The following KCNN3 variants were observed in gnomAD, a reference collection of about 807,000 sequenced individuals.
KCNN3 encodes the protein potassium calcium-activated channel subfamily N member 3.
Under a neutral mutation model 62.9 loss-of-function variants are expected in KCNN3, and 16 were observed. The ratio of observed to expected loss-of-function variants is 0.25; its 90% CI spans 0.17 to 0.39. KCNN3 has a LOEUF of 0.39. Among genes scored for constraint, KCNN3 ranks in the 10% least tolerant of loss-of-function variants. KCNN3 has a pLI of 1.00. For synonymous variants in KCNN3, 370 were observed against 389.2 expected, an observed-to-expected ratio of 0.95 and a Z score of 0.58; for missense variants, 599 against 949.4, an observed-to-expected ratio of 0.63 and a Z score of 4.85.
At chr1:154,748,177 T>C (rs1384721921) in intron 3 of KCNN3, among the ~76,000 whole-genome samples, 1 of 152,186 alleles carries the variant, frequency 6.6e-6, no homozygotes, top group East Asian at 1.9e-4. Flanking sequence ...CTCCCTGCTG[T>C]GGGCCTCTGC....
At position 154,701,273 on chromosome 1, in the gene KCNN3, G is replaced by A. The variant is rs1699846416; in HGVS notation, c.*6703C>T. The A allele has an allele frequency of 6.6e-6, 1 of 152,154 alleles. No individual in the cohort carries two copies. The highest frequency in any genetic ancestry group is 2.4e-5 in the African/African-American group (1 of 41,416). The allele number at this position is 152,154 out of a possible 1,614,324, so 9.4% of individuals were successfully genotyped here. A position where few individuals can be genotyped will look rare whatever the true frequency, so the allele number is the denominator to read the frequency against. On this transcript the variant is annotated 3_prime_UTR_variant, in exon 8 of 8. Transcript: ENST00000271915. ...CTGTAAATCTATGTGAATTTTCAGGGCTTGGGAAGGGAAGAGACACATAGG... is the reference window on the plus strand; with the variant it reads ...CTGTAAATCTATGTGAATTTTCAGGACTTGGGAAGGGAAGAGACACATAGG...
chr1:154,810,112 C>A (rs896557381), intron 2 of KCNN3, among the ~76,000 whole-genome samples: 2 of 152,040 alleles, frequency 1.3e-5, no homozygotes, highest in Non-Finnish European at 2.9e-5. Flanking sequence ...GTCCTGGGTC[C>A]AGCTTAGGGG....
intron 1 of KCNN3, chr1:154,868,235 C>G: frequency 1.0e-6 from 1 of 985,544 alleles, no homozygotes; most frequent in Non-Finnish European, 1.2e-6. Flanking sequence ...CAAGGCGGCG[C>G]CCAGCTGCTC....
intron 2 of KCNN3, among the ~76,000 whole-genome samples, chr1:154,780,870 G>A (rs1311562742): frequency 1.3e-5 from 2 of 152,144 alleles, no homozygotes; most frequent in Non-Finnish European, 2.9e-5. Flanking sequence ...GAAAAATGGT[G>A]GCTCTAAAAG....
Position 154,707,677 on chromosome 1 carries a change from T to C in KCNN3, c.*299A>G, listed in dbSNP as rs1699991127. The C allele has an allele frequency of 6.1e-6, 2 of 325,272 alleles. No individual in the cohort carries two copies. The highest frequency in any genetic ancestry group is 1.1e-5 in the Non-Finnish European group (2 of 176,126). 20.1% of individuals were successfully genotyped at this position (325,272 alleles called of 1,614,324 possible). On this transcript the variant is annotated 3_prime_UTR_variant, in exon 8 of 8. Coordinates refer to ENST00000271915, the MANE Select transcript of KCNN3 (RefSeq NM_002249.6). ...GACCCCCACCCCCCGCGTGAAGACC[T>C]GAGATTGAGCGTGGATTTCTGTTCT... is the stretch of plus-strand genomic sequence containing the variant.
At chr1:154,732,971 AG>A in intron 4 of KCNN3, 31 bp downstream of exon 4, 2 of 1,613,358 alleles carry the variant, frequency 1.2e-6, no homozygotes, top group Non-Finnish European at 1.7e-6. Flanking sequence ...CCACATTTTA[AG>A]GGTAGGGAAT....
chr1:154,781,949 C>A (rs1165670307), intron 2 of KCNN3, among the ~76,000 whole-genome samples: 1 of 152,198 alleles, frequency 6.6e-6, no homozygotes, highest in East Asian at 1.9e-4. Context: ...AGAGAAGTCC[C>A]AGACAGCCAG....
chr1:154,736,459 A>G (rs1009130351), intron 3 of KCNN3, among the ~76,000 whole-genome samples: 1 of 152,264 alleles, frequency 6.6e-6, no homozygotes, highest in Admixed American at 6.5e-5. Flanking sequence ...AAGAAAAGAC[A>G]TGAGATACTT....
chr1:154,711,730 C>T (rs1700079092), intron 7 of KCNN3, among the ~76,000 whole-genome samples: 1 of 152,152 alleles, frequency 6.6e-6, no homozygotes, highest in East Asian at 1.9e-4. Context: ...AGGGTGGATA[C>T]GTGGCCCAAA....
intron 1 of KCNN3, among the ~76,000 whole-genome samples, chr1:154,850,025 C>T (rs1420056054): frequency 6.6e-6 from 1 of 152,176 alleles, no homozygotes; most frequent in Non-Finnish European, 1.5e-5. Context: ...CCCCACTGTT[C>T]TCCCTCACTC....
intron 3 of KCNN3, among the ~76,000 whole-genome samples, chr1:154,749,582 G>A (rs1487152029): frequency 6.6e-6 from 1 of 152,254 alleles, no homozygotes; most frequent in East Asian, 1.9e-4. Flanking sequence ...CTGCCACAGA[G>A]AAGACAGGGT....
intron 2 of KCNN3, among the ~76,000 whole-genome samples, chr1:154,803,268 G>C (rs989308986): frequency 3.3e-5 from 5 of 152,210 alleles, no homozygotes; most frequent in African/African-American, 1.2e-4. Context: ...GGATGGGTTA[G>C]CAAGGCTTTC....
chr1:154,720,472 A>C (rs1197870482), intron 5 of KCNN3, among the ~76,000 whole-genome samples: 1 of 152,230 alleles, frequency 6.6e-6, no homozygotes, highest in East Asian at 1.9e-4. Context: ...GTCCATTAGC[A>C]GTCTTTAGCT....
intron 3 of KCNN3, among the ~76,000 whole-genome samples, chr1:154,764,141 C>T (rs1484147786): frequency 6.6e-6 from 1 of 152,206 alleles, no homozygotes; most frequent in Admixed American, 6.5e-5. Context: ...TTTTAAATCT[C>T]ATCTAAGAGA....
At chr1:154,827,222 C>G (rs1271103140) in intron 1 of KCNN3, among the ~76,000 whole-genome samples, 1 of 152,172 alleles carries the variant, frequency 6.6e-6, no homozygotes, top group Non-Finnish European at 1.5e-5. Flanking sequence ...TATTCAACAT[C>G]GGCTTATGAC....
At chr1:154,726,602 C>G (rs561547018) in intron 4 of KCNN3, among the ~76,000 whole-genome samples, 2 of 152,180 alleles carry the variant, frequency 1.3e-5, no homozygotes, top group Non-Finnish European at 2.9e-5. Flanking sequence ...GGCACGAACA[C>G]GTGCACTCAG....
chr1:154,738,628 T>C lies in KCNN3; in HGVS notation c.1449-5484A>G, dbSNP rs112064361. 8.8e-3 allele frequency among the ~76,000 whole-genome samples: 1,336 copies of C among 152,278 alleles called. 31 individuals are homozygous for C. Among genetic ancestry groups the C allele is most frequent in the African/African-American group, 0.031 (1,270 of 41,542 alleles). On this transcript the variant is annotated intron_variant, in intron 3 of 7. Transcript: ENST00000271915. ...CTCACCAGGTGCGGAGGACAACCCG[T>C]CCGGGCTGGAGCAGGTCAAGAGGCT...
chr1:154,854,460 T>C (rs1014677985), intron 1 of KCNN3, among the ~76,000 whole-genome samples: 5 of 152,136 alleles, frequency 3.3e-5, no homozygotes, highest in African/African-American at 1.2e-4. Context: ...GTCAATGGAG[T>C]AAGAAGTTGT....
At chr1:154,844,383 A>C (rs1007561121) in intron 1 of KCNN3, among the ~76,000 whole-genome samples, 1 of 152,246 alleles carries the variant, frequency 6.6e-6, no homozygotes, top group Non-Finnish European at 1.5e-5. Flanking sequence ...AGAGTCAGAC[A>C]GAAATGAAGT....
Sources: gnomAD v4.1 joint callset for allele counts (sites outside exome capture counted in the v4.1 genomes callset) on GRCh38, gnomAD v4.1.1 for gene constraint, MANE v1.5 for transcripts, NCBI Gene and HGNC (gene_info 2026-07-23, HGNC 2026-07-21) for gene names.